The following SP100 variants were observed in gnomAD, a reference collection of about 807,000 sequenced individuals.
SP100 encodes SP100 nuclear body protein.
In SP100, 84 loss-of-function variants were observed where a neutral mutation model predicts 130.0. The observed-to-expected ratio is 0.65, with a 90% CI of 0.54 to 0.77. The LOEUF is 0.77. Ranked by LOEUF, SP100 falls within the 30% of genes least tolerant of loss-of-function variation. SP100 has a pLI of 0.00. For synonymous variants in SP100, 331 were observed against 351.7 expected, an observed-to-expected ratio of 0.94 and a Z score of 0.66; for missense variants, 978 against 1,052.2, an observed-to-expected ratio of 0.93 and a Z score of 0.97.
chr2:230,510,404 G>A (rs1690483923), intron 23 of SP100: 1 of 150,512 alleles, frequency 6.6e-6, no homozygotes, highest in African/African-American at 2.5e-5. Context: ...GGGCCCTGTG[G>A]TCACTGGGAG....
chr2:230,532,378 T>G (rs1310204041), intron 24 of SP100, among the ~76,000 whole-genome samples: 1 of 152,156 alleles, frequency 6.6e-6, no homozygotes, highest in Non-Finnish European at 1.5e-5. Flanking sequence ...TCTTTTCCTT[T>G]AATGAGGAAA....
At chr2:230,449,950 T>G (rs1218751432) in intron 7 of SP100, among the ~76,000 whole-genome samples, 1 of 151,472 alleles carries the variant, frequency 6.6e-6, no homozygotes, top group Non-Finnish European at 1.5e-5. Flanking sequence ...AGTTGCAGAG[T>G]CTCACCAAAG....
rs1259282973 is a variant in SP100 at position 230,528,742 on chromosome 2, G to T, written c.2095-10525G>T. On this transcript the variant is annotated intron_variant, in intron 24 of 28. Transcript: ENST00000340126. ...TAGATGCAATAAAAAATGATACAGG[G>T]GATATCACCACAGATCCCACAGAAA... is the stretch of plus-strand genomic sequence containing the variant. Among the ~76,000 whole-genome samples, 5 of 152,114 alleles carry T rather than the reference G, an allele frequency of 3.3e-5. No homozygotes were observed. In the South Asian group the frequency reaches 1.0e-3, roughly 32 times the overall value.
intron 2 of SP100, among the ~76,000 whole-genome samples, chr2:230,434,134 A>G (rs1157344531): frequency 6.6e-6 from 1 of 151,860 alleles, no homozygotes; most frequent in East Asian, 1.9e-4. Context: ...CAAATGAAAG[A>G]CTTTTTTAGT....
chr2:230,499,494 C>CCTA (rs2066888176), intron 19 of SP100, among the ~76,000 whole-genome samples: 1 of 7,082 alleles, frequency 1.4e-4, no homozygotes, highest in Admixed American at 7.2e-4. Flanking sequence ...CTCTCTCCCC[C>CCTA]TATATATATA....
intron 24 of SP100, among the ~76,000 whole-genome samples, chr2:230,532,487 T>C (rs1350487090): frequency 1.3e-5 from 2 of 152,022 alleles, no homozygotes; most frequent in Non-Finnish European, 2.9e-5. Flanking sequence ...ACTTTAGTTA[T>C]CTTTACCATT....
chr2:230,526,310 C>T (rs1448286997), intron 24 of SP100, among the ~76,000 whole-genome samples: 1 of 152,190 alleles, frequency 6.6e-6, no homozygotes, highest in Non-Finnish European at 1.5e-5. Context: ...AACAGACCTG[C>T]AGCTGAGGGG....
chr2:230,434,474 CAG>C (rs1358690876), intron 2 of SP100, among the ~76,000 whole-genome samples: 4 of 152,040 alleles, frequency 2.6e-5, no homozygotes, highest in Non-Finnish European at 5.9e-5. Flanking sequence ...GTGGACAAAA[CAG>C]ACAAAATCTC....
Position 230,504,198 on chromosome 2 carries a change from C to A in SP100, c.1778C>A (p.Pro593His), listed in dbSNP as rs756139778. Residue 593 changes from proline (P) to histidine (H), a missense_variant, in exon 21 of 29, where the codon CCC becomes CAC. By Grantham distance (77) the Pro-to-His change is moderately conservative. Coordinates refer to ENST00000340126, the MANE Select transcript of SP100 (RefSeq NM_001080391.2). Reference sequence around the variant, plus strand: ...TGCTTCCTTGCAGGTCCAAGAATTCCCAAAGATGAAAATATTAATTTTAAA... The same window carrying A: ...TGCTTCCTTGCAGGTCCAAGAATTCACAAAGATGAAAATATTAATTTTAAA... The part of the protein sequence containing the change: ...KRRRKRGPRI[P>H]KDENINFKQS... The A allele has an allele frequency of 6.2e-7, 1 of 1,607,122 alleles. No individual in the cohort carries two copies. The highest frequency in any genetic ancestry group is 8.5e-7 in the Non-Finnish European group (1 of 1,175,180).
At chr2:230,430,488 A>C (rs1247310458) in intron 2 of SP100, among the ~76,000 whole-genome samples, 1 of 152,234 alleles carries the variant, frequency 6.6e-6, no homozygotes, top group Admixed American at 6.5e-5. Context: ...AGTTGCTACC[A>C]GGTGCCCAGG....
At chr2:230,451,990 T>C (rs78713701) in intron 8 of SP100, among the ~76,000 whole-genome samples, 4,318 of 152,294 alleles carry the variant, frequency 0.028, 208 homozygotes, top group African/African-American at 0.098. Flanking sequence ...GTTCCATTTT[T>C]CTACATGTCT....
At chr2:230,496,731 G>A (rs779379498) in intron 18 of SP100, among the ~76,000 whole-genome samples, 1 of 152,060 alleles carries the variant, frequency 6.6e-6, no homozygotes, top group African/African-American at 2.4e-5. Flanking sequence ...ACTTCAACTG[G>A]ATGCTTACCA....
At chr2:230,425,919 A>G (rs2062917236) in intron 2 of SP100, among the ~76,000 whole-genome samples, 1 of 152,022 alleles carries the variant, frequency 6.6e-6, no homozygotes, top group African/African-American at 2.4e-5. Context: ...TACTTATTCA[A>G]TCTTTTTACT....
intron 2 of SP100, among the ~76,000 whole-genome samples, chr2:230,433,829 T>G (rs1165211581): frequency 6.6e-6 from 1 of 150,822 alleles, no homozygotes; most frequent in African/African-American, 2.4e-5. Flanking sequence ...TCAATATTAT[T>G]GAATAATATT....
intron 26 of SP100, 92 bp from the exon 27 acceptor site, chr2:230,541,209 A>G: frequency 1.5e-6 from 2 of 1,305,402 alleles, no homozygotes; most frequent in Non-Finnish European, 2.2e-6. Flanking sequence ...AAGAGTCCAC[A>G]GGTTTGGGAG....
rs1344670979 is a variant in SP100, at chr2:230,442,267, C to T, written c.108-670C>T. Among the ~76,000 whole-genome samples the T allele has an allele frequency of 4.6e-5, 7 of 152,180 alleles. No individual in the cohort carries two copies. In the East Asian group the frequency reaches 5.8e-4, roughly 13 times the overall value. ...ACTTTAAAATTACTTTCATAGGAAA[C>T]GGCAACAATTTCTGAAATTCAGATG... On this transcript the variant is annotated intron_variant, in intron 2 of 28. Transcript: ENST00000340126.
intron 2 of SP100, among the ~76,000 whole-genome samples, chr2:230,438,523 G>A (rs919542492): frequency 3.3e-5 from 5 of 151,774 alleles, no homozygotes; most frequent in South Asian, 2.1e-4. Flanking sequence ...AGAACATAAC[G>A]ATACTTGGTT....
chr2:230,490,442 A>G (rs996281926), intron 17 of SP100, among the ~76,000 whole-genome samples: 1 of 151,474 alleles, frequency 6.6e-6, no homozygotes, highest in African/African-American at 2.4e-5. Flanking sequence ...TCTTGACTCT[A>G]TCCAGTTTGC....
chr2:230,538,377 A>G (rs1575820961), intron 24 of SP100: 1 of 152,302 alleles, frequency 6.6e-6, no homozygotes, highest in South Asian at 2.1e-4. Context: ...GCAGCCTAAA[A>G]ATAGTGGTCA....
Sources: gnomAD v4.1 joint callset for allele counts (sites outside exome capture counted in the v4.1 genomes callset) on GRCh38, gnomAD v4.1.1 for gene constraint, MANE v1.5 for transcripts, NCBI Gene and HGNC (gene_info 2026-07-23, HGNC 2026-07-21) for gene names.